The following NDST1 variants were observed in gnomAD, a reference collection of about 807,000 sequenced individuals.
NDST1 encodes the protein N-deacetylase and N-sulfotransferase 1.
A neutral mutation model predicts 92.8 loss-of-function variants in NDST1; 35 were observed. That is an observed-to-expected ratio of 0.38 (90% CI 0.29 to 0.50). The LOEUF (loss-of-function observed/expected upper bound fraction) is 0.50, where lower values mean the gene tolerates loss of function less well. Ranked by LOEUF, NDST1 falls within the 20% of genes least tolerant of loss-of-function variation. The probability of loss-of-function intolerance (pLI) is 0.94; values close to 1 mark genes in which losing one functional copy is unlikely to be tolerated. For missense variants in NDST1, 822 were observed against 1,182.7 expected (o/e 0.69, Z 4.47); for synonymous variants, 493 against 500.3 (o/e 0.99, Z 0.19).
rs762089189 is a variant in NDST1 at position 150,528,313 on chromosome 5, G to T, written c.1008+15G>T. The T allele has an allele frequency of 1.3e-6, 2 of 1,571,510 alleles. No individual in the cohort carries two copies. Among genetic ancestry groups the T allele is most frequent in the South Asian group, 1.2e-5 (1 of 84,556 alleles). On this transcript the variant is annotated intron_variant, in intron 3 of 14. Coordinates refer to ENST00000261797, the MANE Select transcript of NDST1 (RefSeq NM_001543.5). ...AGGACGTGAAGGTATGGCCGGGGGTGCTAGACCGGGCAAGGCAGGTGGGGC... is the reference window on the plus strand; with the variant it reads ...AGGACGTGAAGGTATGGCCGGGGGTTCTAGACCGGGCAAGGCAGGTGGGGC...
chr5:150,514,611 A>G (rs1753877579), intron 1 of NDST1, among the ~76,000 whole-genome samples: 1 of 151,490 alleles, frequency 6.6e-6, no homozygotes, highest in African/African-American at 2.4e-5. Context: ...GGCTCATAGT[A>G]TGGCAGTATT....
chr5:150,502,531 G>A (rs1228935676), intron 1 of NDST1, among the ~76,000 whole-genome samples: 1 of 152,048 alleles, frequency 6.6e-6, no homozygotes, highest in South Asian at 2.1e-4. Flanking sequence ...GGAGGGGCAT[G>A]GTGCACATGG....
intron 1 of NDST1, among the ~76,000 whole-genome samples, chr5:150,499,984 C>T (rs1183610501): frequency 2.0e-5 from 3 of 152,194 alleles, no homozygotes; most frequent in African/African-American, 7.2e-5. Flanking sequence ...GGCTTCTTCT[C>T]CATTGGGCCT....
chr5:150,531,267 C>T lies in NDST1; in HGVS notation c.1009-1678C>T, dbSNP rs529412285. Reference sequence around the variant, plus strand: ...TTGCTTCATTGGGTCCTTACAGCAGCCCTGTGAGGTGGGTATTGTTCTGAG... The same window carrying T: ...TTGCTTCATTGGGTCCTTACAGCAGTCCTGTGAGGTGGGTATTGTTCTGAG... On this transcript the variant is annotated intron_variant, in intron 3 of 14. Coordinates refer to ENST00000261797, the MANE Select transcript of NDST1 (RefSeq NM_001543.5). Among the ~76,000 whole-genome samples the T allele has an allele frequency of 9.9e-4, 151 of 152,208 alleles. 1 individual carries two copies. Among genetic ancestry groups the T allele is most frequent in the South Asian group, 8.7e-3 (42 of 4,830 alleles).
At chr5:150,499,709 G>A (rs1431271365) in intron 1 of NDST1, among the ~76,000 whole-genome samples, 1 of 152,200 alleles carries the variant, frequency 6.6e-6, no homozygotes, top group African/African-American at 2.4e-5. Context: ...GATAAGCTCT[G>A]CCTGCGTAGC....
intron 2 of NDST1, among the ~76,000 whole-genome samples, chr5:150,525,865 C>T (rs1472370837): frequency 1.3e-5 from 2 of 152,170 alleles, no homozygotes; most frequent in South Asian, 2.1e-4. Flanking sequence ...TTTGCCCTGC[C>T]CCACTCACTC....
intron 3 of NDST1, among the ~76,000 whole-genome samples, chr5:150,530,078 G>A (rs1401212045): frequency 6.6e-6 from 1 of 152,182 alleles, no homozygotes; most frequent in Non-Finnish European, 1.5e-5. Context: ...ATGAAATGGG[G>A]TGAATGGGAA....
At chr5:150,542,061 G>A (rs2151295747) in intron 9 of NDST1, among the ~76,000 whole-genome samples, 1 of 152,258 alleles carries the variant, frequency 6.6e-6, no homozygotes, top group African/African-American at 2.4e-5. Flanking sequence ...TGATTGCTAA[G>A]CATTTGTCAT....
rs747573686 is a variant in NDST1, at chr5:150,532,952, T to C, written c.1016T>C (p.Phe339Ser). 1.2e-6 allele frequency: 2 copies of C among 1,614,092 alleles called. No individual in the cohort carries two copies. The highest frequency in any genetic ancestry group is 2.7e-5 in the African/African-American group (2 of 74,932). ...RMKVEDVKAL[F>S]DTQNELRAHI... ...CTCCCCTGCCTGTCCTAGGCCCTGT[T>C]TGACACACAGAACGAACTACGCGCA... The change falls in exon 4 of 15, where the codon TTT becomes TCT. Residue 339 changes from phenylalanine to serine, a missense_variant. By Grantham distance (155) the Phe-to-Ser change is radical. Transcript: ENST00000261797.
chr5:150,551,574 T>C (rs962943834), intron 13 of NDST1, among the ~76,000 whole-genome samples, 179 bp from the exon 14 acceptor site: 1 of 152,228 alleles, frequency 6.6e-6, no homozygotes, highest in Non-Finnish European at 1.5e-5. Context: ...CAGGCACGTT[T>C]AGTGCAGCCT....
rs1755913685 is a variant in NDST1, at chr5:150,558,162, T to C, written c.*4830T>C. 6.6e-6 allele frequency: 1 copy of C among 152,484 alleles called. No individual in the cohort carries two copies. Among genetic ancestry groups the C allele is most frequent in the Non-Finnish European group, 1.5e-5 (1 of 68,032 alleles). 9.4% of individuals were successfully genotyped at this position (152,484 alleles called of 1,614,324 possible). On this transcript the variant is annotated 3_prime_UTR_variant, in exon 15 of 15. Transcript: ENST00000261797. ...GTGTTAAAGGTGAGACCTTCCTCCA[T>C]TAATGTACAATCTCGAACTAACTGC...
intron 13 of NDST1, among the ~76,000 whole-genome samples, chr5:150,550,204 G>C (rs1463762195): frequency 1.3e-5 from 2 of 151,428 alleles, no homozygotes; most frequent in East Asian, 3.9e-4. Context: ...AGGCTCAAGT[G>C]ATCCTCCCAC....
chr5:150,526,859 A>G (rs1754499569), intron 2 of NDST1, among the ~76,000 whole-genome samples: 1 of 152,220 alleles, frequency 6.6e-6, no homozygotes. Flanking sequence ...TGTGAGCCTA[A>G]GGAAGAGGGG....
chr5:150,511,376 G>T (rs1352851613), intron 1 of NDST1, among the ~76,000 whole-genome samples: 1 of 152,188 alleles, frequency 6.6e-6, no homozygotes, highest in African/African-American at 2.4e-5. Context: ...CTGATACCTG[G>T]TGTTGCGTGG....
At chr5:150,509,996 G>A (rs1443277591) in intron 1 of NDST1, among the ~76,000 whole-genome samples, 1 of 151,870 alleles carries the variant, frequency 6.6e-6, no homozygotes, top group African/African-American at 2.4e-5. Context: ...TCTCTCCTGG[G>A]CTGCAGACCT....
upstream of NDST1, among the ~76,000 whole-genome samples, chr5:150,506,958 C>T (rs995511362): frequency 1.3e-4 from 20 of 152,206 alleles, no homozygotes; most frequent in African/African-American, 4.6e-4. Flanking sequence ...TTATCCCTAG[C>T]CCACCTGGCT....
In NDST1 at chr5:150,553,247, A is replaced by G. The variant is rs747918725; in HGVS notation, c.2564A>G (p.His855Arg). The part of the protein sequence containing the change: ...RAFLKDYYRD[H>R]NIELSKLLYK... ...TTCCTGAAGGACTATTACCGGGACC[A>G]CAACATCGAGCTCTCCAAGCTGCTG... is the stretch of plus-strand genomic sequence containing the variant. The change falls in exon 15 of 15, where the codon CAC (histidine) becomes CGC (arginine). Residue 855 changes from histidine to arginine, a missense_variant. His to Arg is a conservative substitution (Grantham distance 29). Transcript: ENST00000261797. The surrounding 1 kb of genome is among the most constrained non-coding windows in gnomAD (Gnocchi z 4.2). 11 of 1,613,854 alleles carry G rather than the reference A, an allele frequency of 6.8e-6. No individual in the cohort carries two copies. The highest frequency in any genetic ancestry group is 9.3e-6 in the Non-Finnish European group (11 of 1,179,794).
Position 150,514,493 on chromosome 5 carries a change from G to A in NDST1, c.-388+6267G>A, listed in dbSNP as rs770255505. 3.4e-4 allele frequency among the ~76,000 whole-genome samples: 52 copies of A among 151,220 alleles called. 1 individual carries two copies. Among genetic ancestry groups the A allele is most frequent in the Non-Finnish European group, 1.3e-4 (9 of 67,848 alleles). On this transcript the variant is annotated intron_variant, in intron 1 of 14. Coordinates refer to ENST00000261797, the MANE Select transcript of NDST1 (RefSeq NM_001543.5). ...GGAAAATTGCTTGAACCTGGGAGGC[G>A]GAGGTTGCAGTGAGCCAAGATAGTG...
In NDST1 at chr5:150,520,855, C is replaced by T. The variant is rs1754217041; in HGVS notation, c.-387-13C>T. 2.3e-6 allele frequency: 1 copy of T among 432,774 alleles called. No individual in the cohort carries two copies. Among genetic ancestry groups the T allele is most frequent in the South Asian group, 8.6e-5 (1 of 11,654 alleles). The allele number at this position is 432,774 out of a possible 1,614,324, so 26.8% of individuals were successfully genotyped here. ...CCGCACTCTGACGCTCCTGTTCTCT[C>T]CACTCTCCACAGCCTTAGCCCCGTG... is the stretch of plus-strand genomic sequence containing the variant. On this transcript the variant is annotated splice_polypyrimidine_tract_variant and intron_variant, in intron 1 of 14. Transcript: ENST00000261797.
Sources: gnomAD v4.1 joint callset for allele counts (sites outside exome capture counted in the v4.1 genomes callset) on GRCh38, gnomAD v4.1.1 for gene constraint, Gnocchi (gnomAD v3.1) non-coding constraint, MANE v1.5 for transcripts, NCBI Gene and HGNC (gene_info 2026-07-23, HGNC 2026-07-21) for gene names.